PCNX2: variants seen among roughly 807,000 people sequenced by gnomAD.
PCNX2 encodes the protein pecanex-like protein 2.
In PCNX2, 168 loss-of-function variants were observed where a neutral mutation model predicts 223.8. That is an observed-to-expected ratio of 0.75 (90% CI 0.66 to 0.85). The LOEUF is 0.85. Among genes scored for constraint, PCNX2 ranks in the 40% least tolerant of loss-of-function variants. The pLI is 0.00. For missense variants in PCNX2, 2,507 were observed against 2,675.5 expected (o/e 0.94, Z 1.39); for synonymous variants, 1,006 against 1,052.6 (o/e 0.96, Z 0.86).
intron 32 of PCNX2, among the ~76,000 whole-genome samples, chr1:232,993,608 A>T (rs945703192): frequency 2.0e-5 from 3 of 152,262 alleles, no homozygotes; most frequent in African/African-American, 7.2e-5. Flanking sequence ...CGCTGCAGAA[A>T]TTTGCATAAG....
intron 9 of PCNX2, among the ~76,000 whole-genome samples, chr1:233,231,238 C>A (rs1409594939): frequency 2.0e-5 from 3 of 151,994 alleles, no homozygotes; most frequent in Admixed American, 6.6e-5. Context: ...GAGAAAGCTA[C>A]CTTCACAGCA....
Position 233,190,273 on chromosome 1 carries a change from G to A in PCNX2, c.3066+8666C>T, listed in dbSNP as rs554544311. The stretch of plus-strand genomic sequence containing the variant: ...CATAAAAGGCATAAACAAAAGCATC[G>A]TTAAACAAGAAGTAGAATCACGGCT... On this transcript the variant is annotated intron_variant, in intron 15 of 33. Transcript: ENST00000258229. 2.4e-4 allele frequency among the ~76,000 whole-genome samples: 36 copies of A among 152,202 alleles called. No homozygotes were observed. The South Asian group carries it at 6.8e-3, about 29-fold the overall frequency.
chr1:233,078,782 A>C (rs6424276), intron 23 of PCNX2, among the ~76,000 whole-genome samples: 56,311 of 152,090 alleles, frequency 0.37, 12,523 homozygotes, highest in African/African-American at 0.62. Context: ...AATTATGCAC[A>C]ACAGCACAAT....
At chr1:233,148,472 G>A (rs1435021082) in intron 19 of PCNX2, among the ~76,000 whole-genome samples, 1 of 145,054 alleles carries the variant, frequency 6.9e-6, no homozygotes, top group Non-Finnish European at 1.5e-5. Flanking sequence ...TCACTCTGTT[G>A]CCCAGGCTGG....
Position 233,167,276 on chromosome 1 carries a change from C to T in PCNX2, c.3274-5913G>A, listed in dbSNP as rs566546076. ...TGAACCTGGAGCACATTTTGCTAAG[C>T]GAAATAACCCAGACACAGAAAGACA... On this transcript the variant is annotated intron_variant, in intron 17 of 33. Transcript: ENST00000258229. Among the ~76,000 whole-genome samples the T allele has an allele frequency of 2.6e-5, 4 of 151,430 alleles. No individual in the cohort carries two copies. In the East Asian group the frequency reaches 5.8e-4, roughly 22 times the overall value.
At position 233,258,728 on chromosome 1, in the gene PCNX2, G is replaced by A. The variant is rs1558399877; in HGVS notation, c.1134C>T (p.Ile378=). ...TGGAGTTTGGGGTACTGCTCATCGT[G>A]ATAACAATTTTTATGGGCTCATGTA... ...LSLHEPIKIV[I]TMSSTPNSMT... Residue 378 remains isoleucine (I), a synonymous_variant, in exon 5 of 34, where the codon ATC becomes ATT. Coordinates refer to ENST00000258229, the MANE Select transcript of PCNX2 (RefSeq NM_014801.4). 1.2e-6 allele frequency: 2 copies of A among 1,613,928 alleles called. No individual in the cohort carries two copies. Among genetic ancestry groups the A allele is most frequent in the Non-Finnish European group, 1.7e-6 (2 of 1,179,888 alleles).
At chr1:233,305,906 A>G in the PCNX2 span, among the ~76,000 whole-genome samples, 1 of 152,248 alleles carries the variant, frequency 6.6e-6, no homozygotes, top group African/African-American at 2.4e-5. Flanking sequence ...ATGTAAGTTC[A>G]CCTTATCAGC....
At chr1:233,180,450 CA>C (rs1249258074) in intron 15 of PCNX2, among the ~76,000 whole-genome samples, 6 of 152,268 alleles carry the variant, frequency 3.9e-5, no homozygotes, top group Admixed American at 3.3e-4. Context: ...TCTCAATCAC[CA>C]TCAGCAGAAT....
intron 1 of PCNX2, chr1:233,291,705 A>G (rs954135873): frequency 8.1e-6 from 8 of 985,038 alleles, no homozygotes; most frequent in Non-Finnish European, 9.6e-6. Context: ...TCATGCCCAT[A>G]TGCCCCTGCT....
Position 233,259,252 on chromosome 1 carries a change from T to C in PCNX2, c.610A>G (p.Met204Val), listed in dbSNP as rs773511947. The C allele has an allele frequency of 8.7e-6, 14 of 1,613,970 alleles. No homozygotes were observed. In the South Asian group the frequency reaches 1.2e-4, roughly 14 times the overall value. ...VESLPASQAH[M>V]LETTTKSVIP... ...ACTGACTTGGTCGTGGTTTCCAGCATGTGTGCTTGAGACGCAGGTAAGCTT... is the reference window on the plus strand; with the variant it reads ...ACTGACTTGGTCGTGGTTTCCAGCACGTGTGCTTGAGACGCAGGTAAGCTT... Residue 204 changes from methionine to valine, a missense_variant, in exon 5 of 34, where the codon ATG (methionine) becomes GTG (valine). Around this residue, in one of 3 missense-constraint regions of PCNX2, gnomAD observed 1,031 missense variants for 1,021.7 expected, o/e 1.01. Transcript: ENST00000258229.
intron 21 of PCNX2, among the ~76,000 whole-genome samples, chr1:233,119,828 G>A (rs1365305193): frequency 6.6e-6 from 1 of 151,978 alleles, no homozygotes; most frequent in African/African-American, 2.4e-5. Flanking sequence ...CTACAGAGTG[G>A]GAGAAAGTAT....
chr1:233,211,686 T>C (rs1681826756), intron 12 of PCNX2: 1 of 821,812 alleles, frequency 1.2e-6, no homozygotes, highest in Non-Finnish European at 1.5e-6. Context: ...CCCATTTGCC[T>C]GGCTTCCTCT....
At chr1:233,326,702 A>G in the PCNX2 span, among the ~76,000 whole-genome samples, 4 of 152,196 alleles carry the variant, frequency 2.6e-5, no homozygotes, top group Admixed American at 6.5e-5. Context: ...CCCTTCTGTT[A>G]TTGGAAGTAC....
At chr1:233,216,052 T>A (rs750889839) in intron 12 of PCNX2, among the ~76,000 whole-genome samples, 1 of 152,160 alleles carries the variant, frequency 6.6e-6, no homozygotes, top group Non-Finnish European at 1.5e-5. Context: ...TAATTTTTTT[T>A]AAAAGCACAA....
chr1:233,098,520 T>C (rs1156781160), intron 21 of PCNX2, among the ~76,000 whole-genome samples: 2 of 152,200 alleles, frequency 1.3e-5, no homozygotes, highest in African/African-American at 4.8e-5. Flanking sequence ...GCCTTCTTTT[T>C]TTTTTCATGA....
rs766852089 is a variant in PCNX2, at chr1:232,999,100, C to G, written c.5603+5G>C. 6.3e-7 allele frequency: 1 copy of G among 1,596,128 alleles called. No individual in the cohort carries two copies. The highest frequency in any genetic ancestry group is 8.6e-7 in the Non-Finnish European group (1 of 1,167,972). On this transcript the variant is annotated splice_donor_5th_base_variant and intron_variant, in intron 31 of 33. Coordinates refer to ENST00000258229, the MANE Select transcript of PCNX2 (RefSeq NM_014801.4). ...TGGACAGAGGCATTTGTTGTAAAAA[C>G]TTACCTTACCCACTTGGTCCAGAAC...
intron 25 of PCNX2, among the ~76,000 whole-genome samples, chr1:233,038,418 A>G (rs934616819): frequency 1.3e-5 from 2 of 152,140 alleles, no homozygotes; most frequent in Non-Finnish European, 2.9e-5. Context: ...TTTTTCTCCC[A>G]TGAATTTTTG....
intron 21 of PCNX2, among the ~76,000 whole-genome samples, chr1:233,119,403 CAAAAAAAAAAAAAAAAAAAAAA>C (rs71173251): frequency 2.6e-5 from 1 of 38,638 alleles, no homozygotes; most frequent in Admixed American, 4.8e-4. Flanking sequence ...ACTAAAAATA[CAAAAAAAAAAAAAAAAAAAAAA>C]AAAAAAAAAA....
chr1:233,211,590 G>A (rs1681822555), intron 12 of PCNX2: 1 of 172,746 alleles, frequency 5.8e-6, no homozygotes, highest in Non-Finnish European at 1.2e-5. Context: ...TTCTCATTTT[G>A]ATAAGAGTAA....
Sources: allele counts gnomAD v4.1 joint callset (sites outside exome capture counted in the v4.1 genomes callset), GRCh38; gene constraint gnomAD v4.1.1; regional missense constraint gnomAD v4.1.1; transcripts MANE v1.5; gene names NCBI Gene and HGNC (gene_info 2026-07-23, HGNC 2026-07-21).